Variants in THOC2 observed in about 807,000 individuals in gnomAD.
THOC2 encodes THO complex subunit 2.
In THOC2, 10 loss-of-function variants were observed where a neutral mutation model predicts 128.4. That is an observed-to-expected ratio of 0.08 (90% CI 0.05 to 0.13). The LOEUF is 0.13. Ranked by LOEUF, THOC2 falls within the 10% of genes least tolerant of loss-of-function variation. The pLI, the probability that THOC2 is intolerant of heterozygous loss-of-function variation, is 1.00. For synonymous variants in THOC2, 393 were observed against 396.9 expected, an observed-to-expected ratio of 0.99 and a Z score of 0.12; for missense variants, 535 against 1,155.7, an observed-to-expected ratio of 0.46 and a Z score of 7.79.
chrX:123,616,502 T>C (rs1353728774), intron 33 of THOC2, among the ~76,000 whole-genome samples: 1 of 111,069 alleles, frequency 9.0e-6, no homozygotes, highest in East Asian at 2.8e-4. Context: ...CTCCACTGAC[T>C]TTATTAAAGC....
rs1467612074 is a variant in THOC2, at chrX:123,631,678, T to C, written c.2481+10A>G. 12 of 1,207,664 alleles carry C rather than the reference T, an allele frequency of 9.9e-6. No homozygotes were observed. Among genetic ancestry groups the C allele is most frequent in the Non-Finnish European group, 1.3e-5 (12 of 893,235 alleles). ...CGTTCTTGAGCGGCAGCAAAGACAC[T>C]TGTACTTACCGAAATATGATGGGCA... On this transcript the variant is annotated intron_variant, in intron 22 of 38. Coordinates refer to ENST00000245838, the MANE Select transcript of THOC2 (RefSeq NM_001081550.2).
rs752946277 is a variant in THOC2, at chrX:123,668,170, TCTC to T, written c.1003_1005del (p.Glu335del). Reference sequence around the variant, plus strand: ...AATGAATTACATACTTTCTCTACTTTCTCCTCTTCTTTTTCCTTTTCTTTCTCT... The same window carrying T: ...AATGAATTACATACTTTCTCTACTTTCTCTTCTTTTTCCTTTTCTTTCTCT... On this transcript the variant is annotated inframe_deletion, in exon 10 of 39. Transcript: ENST00000245838. The T allele has an allele frequency of 2.5e-6, 3 of 1,185,467 alleles. No individual in the cohort carries two copies. The highest frequency in any genetic ancestry group is 3.8e-5 in the South Asian group (2 of 52,024).
chrX:123,713,464 ACT>A (rs1367611068), intron 1 of THOC2, among the ~76,000 whole-genome samples: 3 of 101,386 alleles, frequency 3.0e-5, no homozygotes, highest in Non-Finnish European at 6.0e-5. Context: ...ACAGAGCAAG[ACT>A]CTGTCTCTAC....
chrX:123,626,781 G>T, intron 23 of THOC2, 119 bp from the exon 24 acceptor site: 1 of 656,204 alleles, frequency 1.5e-6, no homozygotes, highest in Non-Finnish European at 2.2e-6. Context: ...ATGAATATAG[G>T]TCCACTTGAA....
chrX:123,646,249 A>G (rs1342875853), intron 12 of THOC2, among the ~76,000 whole-genome samples: 1 of 112,321 alleles, frequency 8.9e-6, no homozygotes, highest in African/African-American at 3.2e-5. Context: ...TATTATATAA[A>G]CAATTTGCAG....
chrX:123,615,210 T>C (rs1466869986), intron 33 of THOC2, among the ~76,000 whole-genome samples: 2 of 111,519 alleles, frequency 1.8e-5, no homozygotes, highest in African/African-American at 3.2e-5. Flanking sequence ...ACAAATAGAA[T>C]AGTGAGTCAA....
At chrX:123,720,459 TAAATA>T (rs1206787783) in intron 1 of THOC2, among the ~76,000 whole-genome samples, 1 of 110,953 alleles carries the variant, frequency 9.0e-6, no homozygotes, top group Non-Finnish European at 1.9e-5. Context: ...CGAAAAAAAT[TAAATA>T]AAATAAAATA....
intron 30 of THOC2, among the ~76,000 whole-genome samples, 175 bp from the exon 31 acceptor site, chrX:123,621,762 G>A (rs944643113): frequency 3.6e-5 from 4 of 112,363 alleles, no homozygotes; most frequent in African/African-American, 1.3e-4. Context: ...AGAAGTAATG[G>A]TCGGGTGCAG....
At chrX:123,720,757 A>G (rs1240367283) in intron 1 of THOC2, among the ~76,000 whole-genome samples, 1 of 112,128 alleles carries the variant, frequency 8.9e-6, no homozygotes, top group Non-Finnish European at 1.9e-5. Context: ...AAATCCTGTC[A>G]TGTGCTACAA....
intron 38 of THOC2, among the ~76,000 whole-genome samples, 199 bp downstream of exon 38, chrX:123,610,719 A>G (rs1348640368): frequency 1.8e-5 from 2 of 112,334 alleles, no homozygotes; most frequent in South Asian, 3.7e-4. Context: ...ATGTGTGGCT[A>G]ATCAGCAAGC....
At chrX:123,647,864 A>G (rs1015586079) in intron 12 of THOC2, among the ~76,000 whole-genome samples, 6 of 94,572 alleles carry the variant, frequency 6.3e-5, no homozygotes, top group African/African-American at 2.3e-4. Context: ...AAAAAAAAAG[A>G]TTTTGAAAAT....
At chrX:123,728,700 C>A (rs1269619669) in intron 1 of THOC2, among the ~76,000 whole-genome samples, 1 of 111,402 alleles carries the variant, frequency 9.0e-6, no homozygotes, top group Non-Finnish European at 1.9e-5. Flanking sequence ...TGTCTAAAAT[C>A]ATGTAGTAGC....
intron 8 of THOC2, among the ~76,000 whole-genome samples, chrX:123,676,607 A>G (rs2049507566): frequency 8.9e-6 from 1 of 112,283 alleles, no homozygotes; most frequent in African/African-American, 3.2e-5. Context: ...AGAGCTCTGG[A>G]GTTCCCTACT....
intron 9 of THOC2, among the ~76,000 whole-genome samples, chrX:123,669,382 C>T (rs181726349): frequency 2.8e-5 from 3 of 108,410 alleles, no homozygotes; most frequent in African/African-American, 6.7e-5. Flanking sequence ...TGAAATGGCA[C>T]GATCTCGGCC....
chrX:123,638,795 C>A (rs1311430370), intron 17 of THOC2, 139 bp downstream of exon 17: 2 of 403,709 alleles, frequency 5.0e-6, no homozygotes, highest in Non-Finnish European at 8.8e-6. Context: ...CACACACACA[C>A]AATTGACTGA....
chrX:123,710,806 A>G (rs1168659101), intron 2 of THOC2, among the ~76,000 whole-genome samples: 2 of 108,044 alleles, frequency 1.9e-5, no homozygotes, highest in African/African-American at 6.7e-5. Context: ...CCTGGCCAAC[A>G]TGGTGAAACC....
intron 12 of THOC2, among the ~76,000 whole-genome samples, chrX:123,654,804 C>T (rs2048506605): frequency 1.0e-5 from 1 of 96,148 alleles, no homozygotes; most frequent in South Asian, 5.2e-4. Flanking sequence ...AAACTAGCCA[C>T]AATTATGCCT....
chrX:123,695,467 C>T (rs2050410877), intron 7 of THOC2, among the ~76,000 whole-genome samples: 1 of 111,985 alleles, frequency 8.9e-6, no homozygotes, highest in South Asian at 3.7e-4. Flanking sequence ...ACTTTTACAA[C>T]AGCTGTTGCA....
chrX:123,695,641 T>C (rs1472678751), intron 7 of THOC2, among the ~76,000 whole-genome samples: 1 of 111,862 alleles, frequency 8.9e-6, no homozygotes, highest in Non-Finnish European at 1.9e-5. Flanking sequence ...CATAAAATGG[T>C]TGAGAAATAC....
Sources: allele counts gnomAD v4.1 joint callset (sites outside exome capture counted in the v4.1 genomes callset), GRCh38; gene constraint gnomAD v4.1.1; transcripts MANE v1.5; gene names NCBI Gene and HGNC (gene_info 2026-07-23, HGNC 2026-07-21).